The following BMP2K variants were observed in gnomAD, a reference collection of about 807,000 sequenced individuals.
The protein encoded by BMP2K is BMP2 inducible kinase.
In BMP2K, 74 loss-of-function variants were observed where a neutral mutation model predicts 116.0. The ratio of observed to expected loss-of-function variants is 0.64; its 90% confidence interval spans 0.53 to 0.77. The LOEUF (loss-of-function observed/expected upper bound fraction) is 0.77. Ranked by LOEUF, BMP2K falls within the 30% of genes least tolerant of loss-of-function variation. The pLI, the probability that BMP2K is intolerant of heterozygous loss-of-function variation, is 0.00. For synonymous variants in BMP2K, 486 were observed against 502.5 expected, an observed-to-expected ratio of 0.97 and a Z score of 0.44; for missense variants, 1,365 against 1,403.6, an observed-to-expected ratio of 0.97 and a Z score of 0.44.
chr4:78,784,112 AT>A (rs1249658268), intron 1 of BMP2K, among the ~76,000 whole-genome samples: 1 of 152,178 alleles, frequency 6.6e-6, no homozygotes, highest in African/African-American at 2.4e-5. Context: ...CCTGGGTCTT[AT>A]ATAGTGTTCT....
Position 78,912,747 on chromosome 4 carries a change from ATT to A in BMP2K, c.*718_*719del, listed in dbSNP as rs1560562473. 1 of 152,160 alleles carries A rather than the reference ATT, an allele frequency of 6.6e-6. No individual in the cohort carries two copies. 9.4% of individuals were successfully genotyped at this position (152,160 alleles called of 1,614,324 possible). The stretch of plus-strand genomic sequence containing the variant: ...ATGTTATACATGATAAATATATATA[ATT>A]TTTGTCAGTTAAAACAAATTAAAAA... On this transcript the variant is annotated 3_prime_UTR_variant, in exon 16 of 16. Transcript: ENST00000502613.
intron 1 of BMP2K, among the ~76,000 whole-genome samples, chr4:78,808,774 CT>C (rs1024773876): frequency 6.6e-6 from 1 of 151,822 alleles, no homozygotes; most frequent in Non-Finnish European, 1.5e-5. Context: ...TCTCAAATTT[CT>C]TTTTTTTATT....
rs540218578 is a variant in BMP2K at position 78,822,330 on chromosome 4, G to T, written c.179-3707G>T. Among the ~76,000 whole-genome samples, 5 of 152,128 alleles carry T rather than the reference G, an allele frequency of 3.3e-5. No individual in the cohort carries two copies. In the South Asian group the frequency reaches 1.0e-3, roughly 32 times the overall value. ...CTATGAAATTATTTCATGTGTAAAT[G>T]TTATATCCTACCCTTGAAAAAAGTT... On this transcript the variant is annotated intron_variant, in intron 1 of 15. Transcript: ENST00000502613.
intron 15 of BMP2K, among the ~76,000 whole-genome samples, chr4:78,898,575 T>C (rs1011848822): frequency 1.3e-5 from 2 of 150,456 alleles, no homozygotes; most frequent in South Asian, 2.1e-4. Context: ...GGAAAGACTG[T>C]AATCTTTCTA....
chr4:78,838,823 C>CT (rs2110017636), intron 3 of BMP2K, among the ~76,000 whole-genome samples: 1 of 152,218 alleles, frequency 6.6e-6, no homozygotes, highest in South Asian at 2.1e-4. Context: ...GTGTAATCAT[C>CT]TTTTGTCTTG....
chr4:78,784,658 A>C (rs192993107), intron 1 of BMP2K, among the ~76,000 whole-genome samples: 1 of 151,742 alleles, frequency 6.6e-6, no homozygotes, highest in Non-Finnish European at 1.5e-5. Context: ...GTAACATTAG[A>C]GGCATTTTGC....
At chr4:78,840,799 G>A (rs1302173361) in intron 3 of BMP2K, among the ~76,000 whole-genome samples, 3 of 152,088 alleles carry the variant, frequency 2.0e-5, no homozygotes, top group Non-Finnish European at 4.4e-5. Context: ...ACAGAAGAAA[G>A]GGAATTAAAG....
At chr4:78,857,408 T>G (rs1731556042) in intron 7 of BMP2K, among the ~76,000 whole-genome samples, 1 of 152,150 alleles carries the variant, frequency 6.6e-6, no homozygotes, top group African/African-American at 2.4e-5. Flanking sequence ...TATGCTGTGC[T>G]TAACCTGAGA....
At chr4:78,855,444 G>A (rs1280275156) in intron 7 of BMP2K, among the ~76,000 whole-genome samples, 1 of 152,154 alleles carries the variant, frequency 6.6e-6, no homozygotes, top group Non-Finnish European at 1.5e-5. Context: ...TTGTTGAGCT[G>A]TTAGATTAGA....
In BMP2K at chr4:78,870,997, GCAGCAGCAGCAGCAC is replaced by G. The variant is rs778511354; in HGVS notation, c.1449_1463del (p.Gln483_His487del). On this transcript the variant is annotated inframe_deletion, in exon 11 of 16. Transcript: ENST00000502613. Reference sequence around the variant, plus strand: ...AGCAACAGCAACAGCAGCAGCAGCAGCAGCAGCAGCAGCACCACCACCACCACCACCACCACCTAC... The same window carrying G: ...AGCAACAGCAACAGCAGCAGCAGCAGCACCACCACCACCACCACCACCTAC... 8.5e-5 allele frequency: 136 copies of G among 1,599,248 alleles called. No individual in the cohort carries two copies. Among genetic ancestry groups the G allele is most frequent in the Admixed American group, 2.0e-4 (12 of 59,636 alleles).
intron 14 of BMP2K, among the ~76,000 whole-genome samples, chr4:78,884,142 G>A (rs1323010115): frequency 6.6e-6 from 1 of 151,896 alleles, no homozygotes; most frequent in South Asian, 2.1e-4. Context: ...GACCAGCCTG[G>A]GCAACATAGA....
chr4:78,879,385 C>G, intron 14 of BMP2K: 1 of 985,966 alleles, frequency 1.0e-6, no homozygotes, highest in Non-Finnish European at 1.2e-6. Context: ...AAAAGGGCTG[C>G]TTTGTTGTCC....
intron 15 of BMP2K, among the ~76,000 whole-genome samples, chr4:78,893,208 A>T (rs960600154): frequency 6.6e-6 from 1 of 152,180 alleles, no homozygotes; most frequent in Non-Finnish European, 1.5e-5. Context: ...ATTCCATCTC[A>T]AGAAACCACT....
At position 78,776,602 on chromosome 4, in the gene BMP2K, G is replaced by A; in HGVS notation, c.59G>A (p.Gly20Asp). The A allele has an allele frequency of 8.4e-7, 1 of 1,186,986 alleles. No individual in the cohort carries two copies. Among genetic ancestry groups the A allele is most frequent in the Non-Finnish European group, 1.0e-6 (1 of 955,268 alleles). 73.5% of individuals were successfully genotyped at this position (1,186,986 alleles called of 1,614,324 possible). A position where few individuals can be genotyped will look rare whatever the true frequency, so the allele number is the denominator to read the frequency against. Reference sequence around the variant, plus strand: ...GGCGGCAGCGGCGGCGGAGCGGCGGGTGGCGGGGCTGGCGGGGCCGGGGCC... The same window carrying A: ...GGCGGCAGCGGCGGCGGAGCGGCGGATGGCGGGGCTGGCGGGGCCGGGGCC... ...SEGGSGGGAAGGGAGGAGAGA... is the reference protein window; with the variant it reads ...SEGGSGGGAADGGAGGAGAGA... The change falls in exon 1 of 16, where the codon GGT (glycine) becomes GAT (aspartate). Residue 20 changes from glycine (G) to aspartate (D), a missense_variant. By Grantham distance (94) the Gly-to-Asp change is moderately conservative. Around this residue, in one of 3 missense-constraint regions of BMP2K, gnomAD observed 762 missense variants for 756.7 expected, o/e 1.01. Transcript: ENST00000502613.
At chr4:78,862,185 A>T (rs745393803) in intron 9 of BMP2K, among the ~76,000 whole-genome samples, 1 of 152,116 alleles carries the variant, frequency 6.6e-6, no homozygotes, top group African/African-American at 2.4e-5. Flanking sequence ...ACAAAAATAT[A>T]TTTGTTCATA....
chr4:78,886,262 C>T (rs1038111556), intron 14 of BMP2K, among the ~76,000 whole-genome samples: 10 of 152,156 alleles, frequency 6.6e-5, no homozygotes, highest in African/African-American at 2.4e-4. Flanking sequence ...GTCTTCGCTC[C>T]AGCTCTTTCT....
rs1237178720 is a variant in BMP2K at position 78,915,556 on chromosome 4, TGAGA to T, written c.*3524_*3527del. ...TGAGAATGAGATGACATATCTACTG[TGAGA>T]ATACCATAAATGATGAATAGTTTAT... On this transcript the variant is annotated 3_prime_UTR_variant, in exon 16 of 16. Transcript: ENST00000502613. The T allele has an allele frequency of 6.6e-6, 1 of 151,958 alleles. No individual in the cohort carries two copies. The highest frequency in any genetic ancestry group is 1.5e-5 in the Non-Finnish European group (1 of 67,896). 9.4% of individuals were successfully genotyped at this position (151,958 alleles called of 1,614,324 possible). A position where few individuals can be genotyped will look rare whatever the true frequency, so the allele number is the denominator to read the frequency against.
intron 12 of BMP2K, chr4:78,872,325 T>G (rs957357810): frequency 1.4e-4 from 30 of 211,196 alleles, no homozygotes; most frequent in East Asian, 7.2e-4. Context: ...TTTTTTTTTT[T>G]TTTTAACAGC....
intron 1 of BMP2K, among the ~76,000 whole-genome samples, chr4:78,788,900 T>G (rs1727869099): frequency 2.0e-5 from 3 of 151,146 alleles, no homozygotes; most frequent in African/African-American, 7.3e-5. Context: ...TGGCTGTTTT[T>G]TTTTTTTTTT....
Sources: gnomAD v4.1 joint callset for allele counts (sites outside exome capture counted in the v4.1 genomes callset) on GRCh38, gnomAD v4.1.1 for gene constraint, gnomAD v4.1.1 regional missense constraint, MANE v1.5 for transcripts, NCBI Gene and HGNC (gene_info 2026-07-23, HGNC 2026-07-21) for gene names.